The following KLHDC3 variants were observed in gnomAD, a reference collection of about 807,000 sequenced individuals.
The protein encoded by KLHDC3 is kelch domain-containing protein 3.
KLHDC3 carries 5 observed loss-of-function variants against 44.1 expected under a neutral mutation model. That is an observed-to-expected ratio of 0.11 (90% confidence interval 0.06 to 0.24). The LOEUF (loss-of-function observed/expected upper bound fraction) is 0.24. KLHDC3 is among the 10% of genes least tolerant of loss of function. The pLI, the probability that KLHDC3 is intolerant of heterozygous loss-of-function variation, is 1.00. For synonymous variants in KLHDC3, 170 were observed against 189.0 expected (o/e 0.90, Z 0.82); for missense variants, 247 against 514.3 (o/e 0.48, Z 5.03).
intron 1 of KLHDC3, chr6:43,016,863 G>A (rs1021938746): frequency 8.1e-5 from 28 of 346,424 alleles, no homozygotes; most frequent in African/African-American, 5.4e-4. Flanking sequence ...AGTAGGTTGT[G>A]ACCATGATAT....
chr6:43,019,186 AT>A, intron 9 of KLHDC3, 21 bp downstream of exon 9: 1 of 1,579,900 alleles, frequency 6.3e-7, no homozygotes. Context: ...TTATTCCTGA[AT>A]TGCTCCTGCC....
Position 43,017,736 on chromosome 6 carries a change from T to C in KLHDC3, c.331+41T>C, listed in dbSNP as rs755187328. 3 of 1,602,242 alleles carry C rather than the reference T, an allele frequency of 1.9e-6. No homozygotes were observed. The highest frequency in any genetic ancestry group is 1.7e-5 in the Admixed American group (1 of 59,722). On this transcript the variant is annotated intron_variant, in intron 3 of 10. Transcript: ENST00000326974. The surrounding 1 kb of genome is among the most constrained non-coding windows in gnomAD (Gnocchi z 6.0). ...AGAGAGGCTATGTCCTTCCAGATGTTGCCTCAGTTGCCCAAGAAAGGTTTG... is the reference window on the plus strand; with the variant it reads ...AGAGAGGCTATGTCCTTCCAGATGTCGCCTCAGTTGCCCAAGAAAGGTTTG...
Position 43,018,101 on chromosome 6 carries a change from C to T in KLHDC3, c.448-44C>T. 1 of 1,454,232 alleles carries T rather than the reference C, an allele frequency of 6.9e-7. No homozygotes were observed. The highest frequency in any genetic ancestry group is 9.7e-7 in the Non-Finnish European group (1 of 1,034,434). The allele number at this position is 1,454,232 out of a possible 1,614,324, so 90.1% of individuals were successfully genotyped here. A position where few individuals can be genotyped will look rare whatever the true frequency, so the allele number is the denominator to read the frequency against. ...GGAGGGATGGAGGGTCAGAGAGTGA[C>T]CATTGGCTCCCTCTTTTCTTCCTCC... On this transcript the variant is annotated intron_variant, in intron 4 of 10. Coordinates refer to ENST00000326974, the MANE Select transcript of KLHDC3 (RefSeq NM_057161.4). The surrounding 1 kb of genome is among the most constrained non-coding windows in gnomAD (Gnocchi z 6.0).
Position 43,017,973 on chromosome 6 carries a change from G to C in KLHDC3, c.447+5G>C. 6.2e-7 allele frequency: 1 copy of C among 1,608,296 alleles called. No individual in the cohort carries two copies. Among genetic ancestry groups the C allele is most frequent in the Non-Finnish European group, 8.5e-7 (1 of 1,174,744 alleles). On this transcript the variant is annotated splice_donor_5th_base_variant and intron_variant, in intron 4 of 10. Transcript: ENST00000326974. This position sits in a 1 kb window ranked among gnomAD's most constrained non-coding sequence, Gnocchi z 6.0. ...TTTGGGGGCTACGAGCAGCAGGTAG[G>C]TCTGGGAATAAAATAAGAGGTTTAG... is the stretch of plus-strand genomic sequence containing the variant.
chr6:43,020,383 G>A (rs1762662521), intron 10 of KLHDC3, among the ~76,000 whole-genome samples: 1 of 152,160 alleles, frequency 6.6e-6, no homozygotes, highest in Admixed American at 6.5e-5. Context: ...TGACTGACAT[G>A]TATACACAGA....
chr6:43,015,817 G>T (rs1340029665), intron 1 of KLHDC3, among the ~76,000 whole-genome samples: 5 of 146,552 alleles, frequency 3.4e-5, no homozygotes, highest in African/African-American at 1.3e-4. Context: ...TTGCACCATT[G>T]CGCTCCAGCC....
rs1284178049 is a variant in KLHDC3 at position 43,018,906 on chromosome 6, A to G, written c.864A>G (p.Pro288=). ...AGATTGAACCGAAGGGGAAGGGGCC[A>G]TGTCCCCGCCGGCGCCAGTGCTGCT... ...WKKIEPKGKG[P]CPRRRQCCCI... The change falls in exon 8 of 11, where the codon CCA becomes CCG. Residue 288 remains proline (P), a synonymous_variant. Coordinates refer to ENST00000326974, the MANE Select transcript of KLHDC3 (RefSeq NM_057161.4). This position sits in a 1 kb window ranked among gnomAD's most constrained non-coding sequence, Gnocchi z 6.0. The G allele has an allele frequency of 1.9e-6, 3 of 1,612,728 alleles. No homozygotes were observed. The highest frequency in any genetic ancestry group is 4.5e-5 in the East Asian group (2 of 44,824).
In KLHDC3 at chr6:43,020,696, G is replaced by T; in HGVS notation, c.1112G>T (p.Ser371Ile). ...RWELNAMTTN[S>I]NISRPIVSSH... is the part of the protein sequence containing the mutation. ...GAGCTGAATGCCATGACCACCAACA[G>T]CAATATCAGTCGCCCCATCGTCTCC... The change falls in exon 11 of 11, where the codon AGC (serine) becomes ATC (isoleucine). Residue 371 changes from serine (S) to isoleucine (I), a missense_variant. Physicochemically the swap from Ser to Ile is moderately radical, Grantham distance 142. Transcript: ENST00000326974. 6.2e-7 allele frequency: 1 copy of T among 1,613,948 alleles called. No individual in the cohort carries two copies. Among genetic ancestry groups the T allele is most frequent in the Non-Finnish European group, 8.5e-7 (1 of 1,179,946 alleles).
At chr6:43,015,743 G>C (rs1762554296) in intron 1 of KLHDC3, among the ~76,000 whole-genome samples, 1 of 151,668 alleles carries the variant, frequency 6.6e-6, no homozygotes, top group Non-Finnish European at 1.5e-5. Flanking sequence ...CCAGCTACTT[G>C]GGAGGCTGAG....
intron 10 of KLHDC3, 56 bp from the exon 11 acceptor site, chr6:43,020,611 C>G: frequency 7.0e-7 from 1 of 1,430,230 alleles, no homozygotes; most frequent in Non-Finnish European, 9.9e-7. Context: ...TCAAACATCC[C>G]TTAGCTTGGG....
At chr6:43,015,321 C>T (rs767462551) in intron 1 of KLHDC3, among the ~76,000 whole-genome samples, 2 of 152,148 alleles carry the variant, frequency 1.3e-5, no homozygotes, top group Non-Finnish European at 2.9e-5. Flanking sequence ...AGCAAGCCAG[C>T]TGAAAGCCAT....
At chr6:43,015,992 G>C (rs1187121548) in intron 1 of KLHDC3, among the ~76,000 whole-genome samples, 1 of 151,666 alleles carries the variant, frequency 6.6e-6, no homozygotes, top group Non-Finnish European at 1.5e-5. Flanking sequence ...CTGGAGTGCA[G>C]TGGTGTGATC....
intron 1 of KLHDC3, 138 bp downstream of exon 1, chr6:43,014,486 G>T: frequency 2.0e-6 from 1 of 501,764 alleles, no homozygotes; most frequent in Middle Eastern, 3.0e-4. Flanking sequence ...TGGGAAAGGA[G>T]AGTGTTAATG....
In KLHDC3 at chr6:43,021,182, C is replaced by T; in HGVS notation, c.*449C>T. Reference sequence around the variant, plus strand: ...GCTGTTGGCATGAGACCTCCTTCTCCCCGTCTTGGGGAGGTGGGGACCAGC... The same window carrying T: ...GCTGTTGGCATGAGACCTCCTTCTCTCCGTCTTGGGGAGGTGGGGACCAGC... On this transcript the variant is annotated 3_prime_UTR_variant, in exon 11 of 11. Transcript: ENST00000326974. 1 of 449,834 alleles carries T rather than the reference C, an allele frequency of 2.2e-6. No individual in the cohort carries two copies. The highest frequency in any genetic ancestry group is 2.4e-5 in the Admixed American group (1 of 41,616). The allele number at this position is 449,834 out of a possible 1,614,324, so 27.9% of individuals were successfully genotyped here.
intron 10 of KLHDC3, 146 bp from the exon 11 acceptor site, chr6:43,020,521 A>G (rs1377079663): frequency 1.9e-5 from 12 of 644,804 alleles, no homozygotes; most frequent in Admixed American, 1.6e-4. Context: ...TGTTCAACCT[A>G]GTAGGTCTCT....
At position 43,021,075 on chromosome 6, in the gene KLHDC3, A is replaced by G. The variant is rs1378179729; in HGVS notation, c.*342A>G. On this transcript the variant is annotated 3_prime_UTR_variant, in exon 11 of 11. Coordinates refer to ENST00000326974, the MANE Select transcript of KLHDC3 (RefSeq NM_057161.4). ...GAGAAGCAAGCAGTGTCTGAGCCTCAGGAGCTTCCCCCTCCCCCTTTGCCT... is the reference window on the plus strand; with the variant it reads ...GAGAAGCAAGCAGTGTCTGAGCCTCGGGAGCTTCCCCCTCCCCCTTTGCCT... 4.0e-6 allele frequency: 2 copies of G among 497,122 alleles called. No homozygotes were observed. The highest frequency in any genetic ancestry group is 1.2e-4 in the East Asian group (2 of 17,384). 30.8% of individuals were successfully genotyped at this position (497,122 alleles called of 1,614,324 possible).
rs553138639 is a variant in KLHDC3 at position 43,019,580 on chromosome 6, C to T, written c.1082+214C>T. ...AATTATATGAAAAAAAAATACAGCT[C>T]GGCAGCATCACTTTCTGAGACCTAA... is the stretch of plus-strand genomic sequence containing the variant. On this transcript the variant is annotated intron_variant, in intron 10 of 10. Coordinates refer to ENST00000326974, the MANE Select transcript of KLHDC3 (RefSeq NM_057161.4). 2.2e-4 allele frequency among the ~76,000 whole-genome samples: 33 copies of T among 152,234 alleles called. No individual in the cohort carries two copies. The South Asian group carries it at 4.8e-3, about 22-fold the overall frequency.
In KLHDC3 at chr6:43,018,063, G is replaced by C; in HGVS notation, c.448-82G>C. The C allele has an allele frequency of 3.5e-6, 5 of 1,443,482 alleles. No individual in the cohort carries two copies. Among genetic ancestry groups the C allele is most frequent in the Non-Finnish European group, 3.9e-6 (4 of 1,024,882 alleles). The allele number at this position is 1,443,482 out of a possible 1,614,324, so 89.4% of individuals were successfully genotyped here. A position where few individuals can be genotyped will look rare whatever the true frequency, so the allele number is the denominator to read the frequency against. Reference sequence around the variant, plus strand: ...TGAAATGGGAGGCTTTGGCTTGTTTGCAGGTTTTGAGGGGAGGGATGGAGG... The same window carrying C: ...TGAAATGGGAGGCTTTGGCTTGTTTCCAGGTTTTGAGGGGAGGGATGGAGG... On this transcript the variant is annotated intron_variant, in intron 4 of 10. Transcript: ENST00000326974. This position sits in a 1 kb window ranked among gnomAD's most constrained non-coding sequence, Gnocchi z 6.0.
At chr6:43,016,287 T>C (rs1762571317) in intron 1 of KLHDC3, 1 of 152,264 alleles carries the variant, frequency 6.6e-6, no homozygotes, top group Non-Finnish European at 1.5e-5. Flanking sequence ...GGAACCCAAG[T>C]TGTGGAAGAG....
Sources: gnomAD v4.1 joint callset for allele counts (sites outside exome capture counted in the v4.1 genomes callset) on GRCh38, gnomAD v4.1.1 for gene constraint, Gnocchi (gnomAD v3.1) non-coding constraint, MANE v1.5 for transcripts, NCBI Gene and HGNC (gene_info 2026-07-23, HGNC 2026-07-21) for gene names.